PPARGC1A: variants seen among roughly 807,000 people sequenced by gnomAD.
PPARGC1A encodes the protein PPARG coactivator 1 alpha, also known as peroxisome proliferator-activated receptor gamma coactivator 1-alpha.
A neutral mutation model predicts 88.7 loss-of-function variants in PPARGC1A; 25 were observed. That is an observed-to-expected ratio of 0.28 (90% confidence interval 0.21 to 0.39). PPARGC1A has a LOEUF of 0.39. PPARGC1A is among the 10% of genes least tolerant of loss of function. The pLI is 1.00. For synonymous variants in PPARGC1A, 363 were observed against 355.6 expected (o/e 1.02, Z -0.24); for missense variants, 880 against 968.7 (o/e 0.91, Z 1.22).
At chr4:24,141,058 C>A in the PPARGC1A span, among the ~76,000 whole-genome samples, 1 of 152,198 alleles carries the variant, frequency 6.6e-6, no homozygotes, top group Non-Finnish European at 1.5e-5. Flanking sequence ...CAAACACAGG[C>A]TTCGAACAGC....
chr4:24,394,533 G>C, the PPARGC1A span, among the ~76,000 whole-genome samples: 2 of 152,178 alleles, frequency 1.3e-5, no homozygotes, highest in African/African-American at 4.8e-5. Flanking sequence ...ACAGAGAAGA[G>C]AAGAAAAGCT....
the PPARGC1A span, among the ~76,000 whole-genome samples, chr4:24,450,733 G>C: frequency 2.2e-3 from 335 of 152,034 alleles, no homozygotes; most frequent in African/African-American, 7.6e-3. Flanking sequence ...ATTCAGTCTG[G>C]GCCAGATGCC....
the PPARGC1A span, among the ~76,000 whole-genome samples, chr4:24,431,343 C>T: frequency 6.6e-6 from 1 of 151,956 alleles, no homozygotes; most frequent in Non-Finnish European, 1.5e-5. Flanking sequence ...TAGGAGGTTC[C>T]CTGTTTGTAC....
intron 5 of PPARGC1A, among the ~76,000 whole-genome samples, chr4:23,827,562 C>G (rs561291262): frequency 6.6e-6 from 1 of 152,198 alleles, no homozygotes; most frequent in Admixed American, 6.5e-5. Context: ...TCTAAGACCA[C>G]GACATTTTGA....
At chr4:24,122,430 T>TAG in the PPARGC1A span, among the ~76,000 whole-genome samples, 100 of 140,596 alleles carry the variant, frequency 7.1e-4, no homozygotes, top group African/African-American at 2.6e-3. Flanking sequence ...TATATATATA[T>TAG]ATATATAGAG....
At chr4:23,968,890 C>T in the PPARGC1A span, among the ~76,000 whole-genome samples, 1 of 151,526 alleles carries the variant, frequency 6.6e-6, no homozygotes, top group South Asian at 2.1e-4. Flanking sequence ...CCAGCCTGGG[C>T]GACAAGAGCA....
At chr4:23,957,766 T>C in the PPARGC1A span, among the ~76,000 whole-genome samples, 1 of 152,118 alleles carries the variant, frequency 6.6e-6, no homozygotes, top group Admixed American at 6.6e-5. Context: ...CTTTTTAATG[T>C]AGATATCCAC....
chr4:24,070,114 A>T, the PPARGC1A span, among the ~76,000 whole-genome samples: 2 of 152,224 alleles, frequency 1.3e-5, no homozygotes, highest in African/African-American at 4.8e-5. Flanking sequence ...ACTAGGGGCC[A>T]GAAGCCAATC....
the PPARGC1A span, among the ~76,000 whole-genome samples, chr4:24,009,277 T>C: frequency 6.6e-6 from 1 of 152,130 alleles, no homozygotes; most frequent in Non-Finnish European, 1.5e-5. Context: ...TAAGCTAATA[T>C]AAAGATTTTG....
At chr4:24,091,485 G>A in the PPARGC1A span, 2 of 985,226 alleles carry the variant, frequency 2.0e-6, no homozygotes, top group African/African-American at 1.7e-5. Context: ...CCTGCTTCTC[G>A]CTGAAGTACT....
the PPARGC1A span, among the ~76,000 whole-genome samples, chr4:24,064,949 T>C: frequency 8.5e-5 from 13 of 152,136 alleles, no homozygotes; most frequent in Non-Finnish European, 1.8e-4. Flanking sequence ...CAAAGAAGTA[T>C]CAGGGACTTT....
the PPARGC1A span, among the ~76,000 whole-genome samples, chr4:24,441,106 C>T: frequency 2.6e-4 from 39 of 152,254 alleles, no homozygotes; most frequent in Middle Eastern, 3.4e-3. Context: ...TAAAAACAGT[C>T]TTCAGTTCAT....
chr4:24,092,012 T>C, the PPARGC1A span, among the ~76,000 whole-genome samples: 5 of 152,076 alleles, frequency 3.3e-5, no homozygotes, highest in Admixed American at 2.6e-4. Flanking sequence ...AGTGGGCTGG[T>C]GTATCCTAGA....
chr4:24,328,864 A>T, the PPARGC1A span, among the ~76,000 whole-genome samples: 2 of 152,230 alleles, frequency 1.3e-5, no homozygotes, highest in Non-Finnish European at 2.9e-5. Context: ...TGGTTAGTGC[A>T]GGTGGCTTTC....
At chr4:24,369,953 A>C in the PPARGC1A span, among the ~76,000 whole-genome samples, 4 of 152,340 alleles carry the variant, frequency 2.6e-5, no homozygotes, top group African/African-American at 4.8e-5. Context: ...GCAGTAAGCA[A>C]TGTGCTATCT....
At chr4:24,111,600 G>A in the PPARGC1A span, among the ~76,000 whole-genome samples, 2 of 152,148 alleles carry the variant, frequency 1.3e-5, no homozygotes, top group African/African-American at 2.4e-5. Context: ...GCTCCGTGGT[G>A]TCAAGGTACT....
the PPARGC1A span, among the ~76,000 whole-genome samples, chr4:23,918,226 TTTC>T: frequency 6.6e-6 from 1 of 152,002 alleles, no homozygotes; most frequent in Non-Finnish European, 1.5e-5. Flanking sequence ...TTCTTTTTTT[TTTC>T]TTTTTTTTGG....
At chr4:23,910,325 T>TATTATATATTATATATATTATATATTA in the PPARGC1A span, among the ~76,000 whole-genome samples, 29 of 45,212 alleles carry the variant, frequency 6.4e-4, no homozygotes, top group African/African-American at 3.7e-3. Context: ...ATTATATATA[T>TATTATATATTATATATATTATATATTA]TATATATTAT....
the PPARGC1A span, among the ~76,000 whole-genome samples, chr4:24,204,975 C>A: frequency 6.6e-6 from 1 of 152,112 alleles, no homozygotes; most frequent in Non-Finnish European, 1.5e-5. Context: ...GCACCCGCCA[C>A]CACGCCCAGC....
Sources: allele counts gnomAD v4.1 joint callset (sites outside exome capture counted in the v4.1 genomes callset), GRCh38; gene constraint gnomAD v4.1.1; transcripts MANE v1.5; gene names NCBI Gene and HGNC (gene_info 2026-07-23, HGNC 2026-07-21).